SH3GL3: variants seen among roughly 807,000 people sequenced by gnomAD.
The protein encoded by SH3GL3 is SH3 domain containing GRB2 like 3, endophilin A3.
A neutral mutation model predicts 47.7 loss-of-function variants in SH3GL3; 33 were observed. That is an observed-to-expected ratio of 0.69 (90% CI 0.52 to 0.92). The LOEUF is 0.92. Among genes scored for constraint, SH3GL3 ranks in the 40% least tolerant of loss-of-function variants. The pLI is 0.00. For synonymous variants in SH3GL3, 155 were observed against 148.8 expected (o/e 1.04, Z -0.30); for missense variants, 363 against 417.8 (o/e 0.87, Z 1.14).
chr15:83,609,008 C>T (rs1263405768), intron 8 of SH3GL3, among the ~76,000 whole-genome samples: 1 of 152,154 alleles, frequency 6.6e-6, no homozygotes, highest in Non-Finnish European at 1.5e-5. Context: ...TAAGCCCACC[C>T]AGCCCAAAGG....
At position 83,573,524 on chromosome 15, in the gene SH3GL3, A is replaced by G. The variant is rs547492487; in HGVS notation, c.465+826A>G. On this transcript the variant is annotated intron_variant, in intron 5 of 8. Transcript: ENST00000427482. ...AAGTCTGTGTTTTATAAAGTCCTCC[A>G]GGTGATTCTGATGCACGCTAATGTT... 2.6e-5 allele frequency among the ~76,000 whole-genome samples: 4 copies of G among 152,340 alleles called. No individual in the cohort carries two copies. In the East Asian group the frequency reaches 7.7e-4, roughly 29 times the overall value.
At chr15:83,470,857 G>A (rs1402964415) in intron 1 of SH3GL3, among the ~76,000 whole-genome samples, 1 of 152,050 alleles carries the variant, frequency 6.6e-6, no homozygotes, top group Non-Finnish European at 1.5e-5. Flanking sequence ...CGTTATCAAA[G>A]TCTACTGATG....
At chr15:83,504,739 C>T (rs2042424206) in intron 1 of SH3GL3, among the ~76,000 whole-genome samples, 1 of 152,192 alleles carries the variant, frequency 6.6e-6, no homozygotes, top group Non-Finnish European at 1.5e-5. Context: ...CATGAGAAAT[C>T]CTGGGCCAGA....
intron 1 of SH3GL3, among the ~76,000 whole-genome samples, chr15:83,493,351 G>A (rs1253658018): frequency 2.0e-5 from 3 of 152,092 alleles, no homozygotes; most frequent in Admixed American, 6.6e-5. Context: ...GTTTTGTGGT[G>A]TATTTAAAAT....
At chr15:83,536,805 A>G (rs2043931663) in intron 1 of SH3GL3, among the ~76,000 whole-genome samples, 2 of 152,098 alleles carry the variant, frequency 1.3e-5, no homozygotes, top group Non-Finnish European at 2.9e-5. Flanking sequence ...TTTTGTGCAT[A>G]TGAAATCGTC....
chr15:83,516,835 T>C (rs915714464), intron 1 of SH3GL3, among the ~76,000 whole-genome samples: 19 of 152,148 alleles, frequency 1.2e-4, no homozygotes, highest in African/African-American at 4.3e-4. Context: ...GTGAATTGAA[T>C]TTTGCCTATT....
intron 1 of SH3GL3, among the ~76,000 whole-genome samples, chr15:83,465,139 G>A (rs977356443): frequency 3.7e-4 from 56 of 151,482 alleles, no homozygotes; most frequent in African/African-American, 1.2e-3. Flanking sequence ...GTGAAACCCC[G>A]TCTCTACTAA....
chr15:83,578,550 C>A (rs534380598), intron 6 of SH3GL3, among the ~76,000 whole-genome samples: 32 of 152,264 alleles, frequency 2.1e-4, no homozygotes, highest in African/African-American at 7.0e-4. Context: ...ACAAGACATT[C>A]ATCCTGGAGA....
At chr15:83,502,129 T>C (rs1444150663) in intron 1 of SH3GL3, among the ~76,000 whole-genome samples, 1 of 152,264 alleles carries the variant, frequency 6.6e-6, no homozygotes, top group Non-Finnish European at 1.5e-5. Context: ...TTAGATCAAG[T>C]GACAACTATG....
chr15:83,591,953 G>GCA (rs2060117363), intron 8 of SH3GL3, among the ~76,000 whole-genome samples: 1 of 152,168 alleles, frequency 6.6e-6, no homozygotes, highest in East Asian at 1.9e-4. Flanking sequence ...GATTACAGCT[G>GCA]TGAGCCACCA....
rs73448416 is a variant in SH3GL3 at position 83,521,203 on chromosome 15, A to G, written c.46-38050A>G. ...TTTGTGAGCAAAACCTCAACTTTTT[A>G]ACAAAAGAAAACAAACCGTAGAGCA... On this transcript the variant is annotated intron_variant, in intron 1 of 8. Coordinates refer to ENST00000427482, the MANE Select transcript of SH3GL3 (RefSeq NM_003027.5). Among the ~76,000 whole-genome samples, 235 of 152,340 alleles carry G rather than the reference A, an allele frequency of 1.5e-3. 2 individuals carry two copies. Among genetic ancestry groups the G allele is most frequent in the African/African-American group, 5.3e-3 (221 of 41,580 alleles).
At position 83,602,063 on chromosome 15, in the gene SH3GL3, C is replaced by T. The variant is rs1305748449; in HGVS notation, c.838+13292C>T. ...GATAGGTGGTTCTAATGCATAGAGT[C>T]TCTCAGGGGTCTAGGCTGATGGCAG... is the stretch of plus-strand genomic sequence containing the variant. On this transcript the variant is annotated intron_variant, in intron 8 of 8. Coordinates refer to ENST00000427482, the MANE Select transcript of SH3GL3 (RefSeq NM_003027.5). Among the ~76,000 whole-genome samples the T allele has an allele frequency of 2.0e-5, 3 of 152,020 alleles. No individual in the cohort carries two copies. In the East Asian group the frequency reaches 5.8e-4, roughly 29 times the overall value.
the SH3GL3 span, among the ~76,000 whole-genome samples, chr15:83,632,278 T>A: frequency 6.6e-6 from 1 of 152,344 alleles, no homozygotes; most frequent in East Asian, 1.9e-4. Flanking sequence ...TTCCAACCCC[T>A]GCCTGTTACC....
intron 1 of SH3GL3, among the ~76,000 whole-genome samples, chr15:83,477,181 A>T (rs1039642379): frequency 2.6e-5 from 4 of 152,182 alleles, no homozygotes; most frequent in African/African-American, 9.6e-5. Flanking sequence ...GGAACTCAAG[A>T]AGCATTTTTG....
chr15:83,479,664 T>C (rs2041255499), intron 1 of SH3GL3, among the ~76,000 whole-genome samples: 1 of 152,126 alleles, frequency 6.6e-6, no homozygotes, highest in Non-Finnish European at 1.5e-5. Flanking sequence ...TAATGTTCCT[T>C]TGGTTGGGGG....
the SH3GL3 span, among the ~76,000 whole-genome samples, chr15:83,627,637 T>G: frequency 1.3e-5 from 2 of 152,148 alleles, no homozygotes; most frequent in Admixed American, 1.3e-4. Flanking sequence ...CCCCTACATT[T>G]TGATTGAATT....
intron 1 of SH3GL3, among the ~76,000 whole-genome samples, chr15:83,485,564 G>A (rs1487807103): frequency 6.6e-6 from 1 of 152,244 alleles, no homozygotes; most frequent in East Asian, 1.9e-4. Context: ...GCTCCCTGCA[G>A]CATCCACCTT....
chr15:83,559,788 AGT>A (rs2045169782), intron 2 of SH3GL3, among the ~76,000 whole-genome samples: 1 of 152,184 alleles, frequency 6.6e-6, no homozygotes, highest in Non-Finnish European at 1.5e-5. Context: ...GTAGAACCAG[AGT>A]GTGAACTTGG....
At chr15:83,582,916 T>C (rs1320204659) in intron 6 of SH3GL3, among the ~76,000 whole-genome samples, 2 of 152,232 alleles carry the variant, frequency 1.3e-5, no homozygotes, top group Non-Finnish European at 2.9e-5. Context: ...TCAAACTTTC[T>C]CAGAAACTCT....
Sources: allele counts gnomAD v4.1 joint callset (sites outside exome capture counted in the v4.1 genomes callset), GRCh38; gene constraint gnomAD v4.1.1; transcripts MANE v1.5; gene names NCBI Gene and HGNC (gene_info 2026-07-23, HGNC 2026-07-21).